THSD7B: variants seen among roughly 807,000 people sequenced by gnomAD.
THSD7B encodes the protein thrombospondin type 1 domain containing 7B, also known as thrombospondin type-1 domain-containing protein 7B.
Under a neutral mutation model 213.6 loss-of-function variants are expected in THSD7B, and 138 were observed. That is an observed-to-expected ratio of 0.65 (90% confidence interval 0.56 to 0.74). The LOEUF (loss-of-function observed/expected upper bound fraction) is 0.74. Ranked by LOEUF, THSD7B falls within the 30% of genes least tolerant of loss-of-function variation. THSD7B has a pLI of 0.00. For missense variants in THSD7B, 1,931 were observed against 1,991.5 expected (o/e 0.97, Z 0.58); for synonymous variants, 742 against 687.0 (o/e 1.08, Z -1.25).
intron 17 of THSD7B, among the ~76,000 whole-genome samples, chr2:137,584,415 GT>G (rs1264236731): frequency 6.6e-6 from 1 of 152,156 alleles, no homozygotes; most frequent in African/African-American, 2.4e-5. Flanking sequence ...TCTTGTGCCA[GT>G]TTTCAAAGGG....
chr2:137,224,763 C>G (rs1378951389), intron 7 of THSD7B, among the ~76,000 whole-genome samples: 2 of 152,104 alleles, frequency 1.3e-5, no homozygotes, highest in African/African-American at 4.8e-5. Context: ...GCTCCGCCTC[C>G]CGGGTTCACG....
intron 12 of THSD7B, among the ~76,000 whole-genome samples, chr2:137,277,160 G>A (rs144254309): frequency 1.5e-3 from 225 of 152,052 alleles, no homozygotes; most frequent in African/African-American, 5.1e-3. Context: ...AGTTTAAGTA[G>A]GACCTTGAAT....
At chr2:136,848,349 T>C (rs1019736975) in intron 1 of THSD7B, among the ~76,000 whole-genome samples, 6 of 152,154 alleles carry the variant, frequency 3.9e-5, no homozygotes, top group African/African-American at 9.7e-5. Context: ...TGGGAATTAG[T>C]AGGGCTGGGA....
intron 1 of THSD7B, among the ~76,000 whole-genome samples, chr2:136,876,503 A>G (rs1196727350): frequency 6.6e-6 from 1 of 152,204 alleles, no homozygotes; most frequent in Non-Finnish European, 1.5e-5. Flanking sequence ...TGTCTGGAGA[A>G]TATAATAGCC....
intron 5 of THSD7B, among the ~76,000 whole-genome samples, chr2:137,153,095 A>G (rs1366930313): frequency 6.6e-6 from 1 of 152,202 alleles, no homozygotes; most frequent in East Asian, 1.9e-4. Flanking sequence ...AGGAGAGAAC[A>G]TATGATAATA....
intron 7 of THSD7B, among the ~76,000 whole-genome samples, chr2:137,177,913 A>T (rs1007829158): frequency 2.0e-5 from 3 of 152,066 alleles, no homozygotes; most frequent in Admixed American, 6.5e-5. Flanking sequence ...TCTACTAAAA[A>T]TACAGAAATT....
intron 3 of THSD7B, among the ~76,000 whole-genome samples, chr2:137,061,586 G>A (rs943725266): frequency 2.0e-5 from 3 of 150,346 alleles, no homozygotes; most frequent in African/African-American, 4.9e-5. Context: ...ATTAGATTTT[G>A]TTAAATATTT....
intron 12 of THSD7B, among the ~76,000 whole-genome samples, chr2:137,375,715 G>A (rs1253029677): frequency 6.6e-6 from 1 of 152,148 alleles, no homozygotes; most frequent in Admixed American, 6.5e-5. Context: ...TTTTTATAAA[G>A]AATGTAGCAA....
rs754812749 is a variant in THSD7B at position 137,278,909 on chromosome 2, C to T, written c.2500+2883C>T. Among the ~76,000 whole-genome samples the T allele has an allele frequency of 4.9e-4, 74 of 152,044 alleles. 1 individual carries two copies. Among genetic ancestry groups the T allele is most frequent in the Middle Eastern group, 6.3e-3 (2 of 316 alleles). On this transcript the variant is annotated intron_variant, in intron 12 of 27. Coordinates refer to ENST00000409968, the MANE Select transcript of THSD7B (RefSeq NM_001316349.2). ...GAGGTATAGTTACAATATACTTTTT[C>T]AGCTTACCTATAAAGAATATATTGT...
intron 12 of THSD7B, among the ~76,000 whole-genome samples, chr2:137,356,650 A>G (rs115364704): frequency 2.6e-3 from 403 of 152,240 alleles, no homozygotes; most frequent in African/African-American, 9.6e-3. Context: ...CACTCTTGGG[A>G]GGCTGACCCC....
chr2:136,855,646 A>G (rs1238939101), intron 1 of THSD7B, among the ~76,000 whole-genome samples: 2 of 149,132 alleles, frequency 1.3e-5, no homozygotes, highest in African/African-American at 5.1e-5. Context: ...TATTTTTTGT[A>G]TTTTTAGTAG....
chr2:137,409,556 T>G (rs1686601805), intron 13 of THSD7B, among the ~76,000 whole-genome samples: 1 of 152,210 alleles, frequency 6.6e-6, no homozygotes, highest in Non-Finnish European at 1.5e-5. Flanking sequence ...GCAAGAAATC[T>G]TGGATGAAGA....
chr2:137,483,984 G>A (rs1007302348), intron 15 of THSD7B, among the ~76,000 whole-genome samples: 6 of 151,830 alleles, frequency 4.0e-5, no homozygotes, highest in Admixed American at 1.3e-4. Context: ...TATGCGATTC[G>A]TTCCAGACAT....
intron 17 of THSD7B, among the ~76,000 whole-genome samples, chr2:137,590,763 T>C (rs1681845740): frequency 6.6e-6 from 1 of 151,334 alleles, no homozygotes; most frequent in African/African-American, 2.4e-5. Context: ...GTAAAATACA[T>C]TTTGCATTTT....
intron 12 of THSD7B, among the ~76,000 whole-genome samples, chr2:137,352,407 CA>C (rs1235690624): frequency 6.6e-6 from 1 of 151,974 alleles, no homozygotes; most frequent in East Asian, 1.9e-4. Flanking sequence ...AAAACTTGTT[CA>C]TTTCCCTGCT....
intron 12 of THSD7B, among the ~76,000 whole-genome samples, chr2:137,291,015 A>G (rs920905079): frequency 2.6e-5 from 4 of 152,068 alleles, no homozygotes; most frequent in African/African-American, 9.7e-5. Flanking sequence ...ACTGCCCAAT[A>G]ATTTTCAGTT....
chr2:137,292,382 T>A (rs1362923508), intron 12 of THSD7B, among the ~76,000 whole-genome samples: 1 of 152,134 alleles, frequency 6.6e-6, no homozygotes, highest in Non-Finnish European at 1.5e-5. Context: ...ATATGACAGT[T>A]GCAAAACTGC....
At chr2:137,440,705 G>A (rs6756722) in intron 14 of THSD7B, among the ~76,000 whole-genome samples, 149,966 of 152,136 alleles carry the variant, frequency 0.99, 73,948 homozygotes, top group Non-Finnish European at 1. Context: ...TTGCACTCCT[G>A]TCCTTATAAG....
intron 15 of THSD7B, among the ~76,000 whole-genome samples, chr2:137,562,911 G>A (rs998615986): frequency 2.6e-5 from 4 of 152,096 alleles, no homozygotes; most frequent in African/African-American, 9.7e-5. Flanking sequence ...AATAGATGCT[G>A]TGTGAGCTCT....
Sources: gnomAD v4.1 joint callset for allele counts (sites outside exome capture counted in the v4.1 genomes callset) on GRCh38, gnomAD v4.1.1 for gene constraint, MANE v1.5 for transcripts, NCBI Gene and HGNC (gene_info 2026-07-23, HGNC 2026-07-21) for gene names.